The following BORCS5 variants were observed in gnomAD, a reference collection of about 807,000 sequenced individuals.
BORCS5 encodes BLOC-1 related complex subunit 5, also known as BLOC-1-related complex subunit 5.
A neutral mutation model predicts 22.1 loss-of-function variants in BORCS5; 17 were observed. The ratio of observed to expected loss-of-function variants is 0.77; its 90% CI spans 0.53 to 1.15. The LOEUF (loss-of-function observed/expected upper bound fraction) is 1.15, where lower values mean the gene tolerates loss of function less well. Among genes scored for constraint, BORCS5 ranks in the 50% most tolerant of loss-of-function variants. BORCS5 has a pLI of 0.00. For synonymous variants in BORCS5, 117 were observed against 99.8 expected (o/e 1.17, Z -1.03); for missense variants, 247 against 253.2 (o/e 0.98, Z 0.17).
intron 3 of BORCS5, among the ~76,000 whole-genome samples, chr12:12,442,491 G>T (rs180878522): frequency 6.6e-6 from 1 of 152,230 alleles, no homozygotes; most frequent in East Asian, 1.9e-4. Context: ...ATAGTGTATT[G>T]ACATAAACCA....
At chr12:12,370,775 G>A (rs567999267) in intron 2 of BORCS5, among the ~76,000 whole-genome samples, 3 of 151,670 alleles carry the variant, frequency 2.0e-5, no homozygotes, top group Non-Finnish European at 4.4e-5. Context: ...TGGAGATGGA[G>A]TCTCGCTCTG....
intron 3 of BORCS5, among the ~76,000 whole-genome samples, chr12:12,464,002 G>T (rs1338166203): frequency 2.0e-5 from 3 of 152,164 alleles, no homozygotes; most frequent in Non-Finnish European, 4.4e-5. Context: ...GCTCCCACGA[G>T]CCCCGCTGTC....
chr12:12,410,323 T>A (rs1223395977), intron 2 of BORCS5, among the ~76,000 whole-genome samples: 7 of 152,202 alleles, frequency 4.6e-5, no homozygotes, highest in Non-Finnish European at 1.0e-4. Flanking sequence ...CTGAATGGTA[T>A]TGCCTAGGTT....
intron 3 of BORCS5, among the ~76,000 whole-genome samples, chr12:12,437,264 A>G (rs965411237): frequency 2.0e-5 from 3 of 152,168 alleles, no homozygotes; most frequent in Admixed American, 1.3e-4. Context: ...CCCCTACACA[A>G]GCTCTCTTGC....
At chr12:12,432,132 T>C (rs965783085) in intron 2 of BORCS5, among the ~76,000 whole-genome samples, 1 of 152,226 alleles carries the variant, frequency 6.6e-6, no homozygotes, top group East Asian at 1.9e-4. Context: ...ATTCTTTTTG[T>C]ATTTTAAATT....
intron 2 of BORCS5, among the ~76,000 whole-genome samples, chr12:12,396,438 G>A (rs920503973): frequency 1.3e-4 from 20 of 152,214 alleles, no homozygotes; most frequent in African/African-American, 3.9e-4. Context: ...GAGGCCCTGC[G>A]GAGGGTGGGG....
intron 3 of BORCS5, among the ~76,000 whole-genome samples, chr12:12,460,302 C>G (rs1592144045): frequency 6.6e-6 from 1 of 152,166 alleles, no homozygotes; most frequent in South Asian, 2.1e-4. Context: ...TTCCACTGTC[C>G]TGTCATTCAT....
intron 2 of BORCS5, among the ~76,000 whole-genome samples, chr12:12,382,968 A>G (rs1863806547): frequency 6.6e-6 from 1 of 151,522 alleles, no homozygotes; most frequent in Non-Finnish European, 1.5e-5. Flanking sequence ...TGATTGAGGT[A>G]TAAAAACCAT....
At chr12:12,458,591 T>C (rs925312348) in intron 3 of BORCS5, among the ~76,000 whole-genome samples, 6 of 150,928 alleles carry the variant, frequency 4.0e-5, no homozygotes, top group Non-Finnish European at 8.9e-5. Flanking sequence ...TTTTTTTTTT[T>C]CTTTTTTGAG....
At chr12:12,377,192 T>C (rs904382349) in intron 2 of BORCS5, among the ~76,000 whole-genome samples, 81 of 149,124 alleles carry the variant, frequency 5.4e-4, no homozygotes, top group African/African-American at 1.8e-3. Flanking sequence ...TTTTTTTTTT[T>C]CTCGAGACGG....
intron 2 of BORCS5, among the ~76,000 whole-genome samples, chr12:12,382,638 T>G (rs1328367268): frequency 1.3e-5 from 2 of 150,604 alleles, no homozygotes; most frequent in African/African-American, 4.9e-5. Flanking sequence ...GTTCAAGTGA[T>G]TTTCCTGCCT....
intron 1 of BORCS5, among the ~76,000 whole-genome samples, chr12:12,358,406 A>G (rs1223064976): frequency 6.6e-6 from 1 of 152,222 alleles, no homozygotes; most frequent in Non-Finnish European, 1.5e-5. Context: ...TCAGACCTAC[A>G]TTCTGGGGAC....
intron 2 of BORCS5, among the ~76,000 whole-genome samples, chr12:12,424,373 T>C (rs751423007): frequency 2.0e-5 from 3 of 152,212 alleles, no homozygotes; most frequent in Non-Finnish European, 2.9e-5. Context: ...CCAGAACTTA[T>C]TTTTCATTTC....
intron 2 of BORCS5, among the ~76,000 whole-genome samples, chr12:12,383,748 T>C (rs1863822624): frequency 6.6e-6 from 1 of 150,468 alleles, no homozygotes; most frequent in Non-Finnish European, 1.5e-5. Flanking sequence ...CATTTCAGGA[T>C]TTTTTTTTCC....
At chr12:12,421,477 T>G (rs903363628) in intron 2 of BORCS5, among the ~76,000 whole-genome samples, 4 of 152,334 alleles carry the variant, frequency 2.6e-5, no homozygotes, top group Middle Eastern at 3.4e-3. Context: ...GATTTTCGCA[T>G]CGATGTTCAT....
intron 2 of BORCS5, among the ~76,000 whole-genome samples, chr12:12,425,336 T>G (rs1942256485): frequency 6.6e-6 from 1 of 152,162 alleles, no homozygotes; most frequent in Admixed American, 6.5e-5. Flanking sequence ...GTGCAATTAT[T>G]TAGTTGGGAA....
chr12:12,390,387 T>C (rs751437253), intron 2 of BORCS5, among the ~76,000 whole-genome samples: 9 of 152,138 alleles, frequency 5.9e-5, no homozygotes, highest in Non-Finnish European at 8.8e-5. Flanking sequence ...GGAGGTAATA[T>C]ATTTGAAGTG....
At chr12:12,460,936 C>T (rs772055359) in intron 3 of BORCS5, among the ~76,000 whole-genome samples, 21 of 152,208 alleles carry the variant, frequency 1.4e-4, no homozygotes, top group African/African-American at 3.6e-4. Flanking sequence ...CAGATGGGCC[C>T]GCACCATCCA....
intron 2 of BORCS5, 84 bp from the exon 3 acceptor site, chr12:12,435,544 T>C: frequency 9.1e-7 from 1 of 1,101,328 alleles, no homozygotes; most frequent in Non-Finnish European, 1.3e-6. Context: ...TCTTACCCTG[T>C]CTTCAGTGAA....
Sources: allele counts gnomAD v4.1 joint callset (sites outside exome capture counted in the v4.1 genomes callset), GRCh38; gene constraint gnomAD v4.1.1; transcripts MANE v1.5; gene names NCBI Gene and HGNC (gene_info 2026-07-23, HGNC 2026-07-21).